MAGI1: variants seen among roughly 807,000 people sequenced by gnomAD.
The protein encoded by MAGI1 is membrane-associated guanylate kinase, WW and PDZ domain-containing protein 1.
Under a neutral mutation model 139.9 loss-of-function variants are expected in MAGI1, and 58 were observed. The ratio of observed to expected loss-of-function variants is 0.41; its 90% CI spans 0.34 to 0.52. The LOEUF is 0.52. Among genes scored for constraint, MAGI1 ranks in the 20% least tolerant of loss-of-function variants. The pLI, the probability that MAGI1 is intolerant of heterozygous loss-of-function variation, is 0.12. For synonymous variants in MAGI1, 812 were observed against 737.9 expected (o/e 1.10, Z -1.63); for missense variants, 1,874 against 1,901.6 (o/e 0.99, Z 0.27).
intron 22 of MAGI1, chr3:65,360,277 A>C: frequency 1.0e-6 from 1 of 985,298 alleles, no homozygotes; most frequent in Non-Finnish European, 1.2e-6. Flanking sequence ...GGACCATTCA[A>C]TCACAGTTTC....
At chr3:65,856,415 A>G (rs2059379895) in intron 1 of MAGI1, among the ~76,000 whole-genome samples, 2 of 147,672 alleles carry the variant, frequency 1.4e-5, no homozygotes, top group African/African-American at 5.0e-5. Context: ...TGAATGGCAG[A>G]TGGTGACACT....
At chr3:66,017,013 G>C (rs368901013) in intron 1 of MAGI1, among the ~76,000 whole-genome samples, 274 of 152,298 alleles carry the variant, frequency 1.8e-3, no homozygotes, top group African/African-American at 5.8e-3. Flanking sequence ...GTTGGTAATA[G>C]GCACAGTAGG....
At chr3:66,034,449 G>A (rs868125233) in intron 1 of MAGI1, among the ~76,000 whole-genome samples, 18 of 152,172 alleles carry the variant, frequency 1.2e-4, no homozygotes, top group Non-Finnish European at 2.2e-4. Flanking sequence ...GAATGCCCAC[G>A]AAGCATCAGC....
At chr3:65,881,788 G>T (rs2060339822) in intron 1 of MAGI1, among the ~76,000 whole-genome samples, 1 of 152,172 alleles carries the variant, frequency 6.6e-6, no homozygotes, top group African/African-American at 2.4e-5. Context: ...GTTCATCCAA[G>T]CACTTTTTTT....
intron 1 of MAGI1, among the ~76,000 whole-genome samples, chr3:65,633,038 T>C (rs2084401645): frequency 6.6e-6 from 1 of 152,138 alleles, no homozygotes; most frequent in South Asian, 2.1e-4. Context: ...AATTAGAAAT[T>C]CTAGGGGTGG....
intron 2 of MAGI1, among the ~76,000 whole-genome samples, chr3:65,591,026 A>T (rs1176267580): frequency 6.6e-6 from 1 of 152,206 alleles, no homozygotes; most frequent in African/African-American, 2.4e-5. Flanking sequence ...TAACTTACAG[A>T]AGAATTCACA....
At chr3:65,802,207 A>G (rs557375037) in intron 1 of MAGI1, among the ~76,000 whole-genome samples, 1 of 152,280 alleles carries the variant, frequency 6.6e-6, no homozygotes, top group South Asian at 2.1e-4. Context: ...TGTGCAACGC[A>G]TTATTCTTAG....
intron 12 of MAGI1, chr3:65,401,739 G>A (rs1944913765): frequency 2.1e-6 from 3 of 1,454,358 alleles, no homozygotes; most frequent in Admixed American, 4.9e-5. Context: ...GAAATTCACA[G>A]ACCTCAGCGG....
chr3:65,364,594 C>A, intron 20 of MAGI1, 71 bp downstream of exon 20: 1 of 1,312,860 alleles, frequency 7.6e-7, no homozygotes, highest in Non-Finnish European at 1.1e-6. Context: ...AAAAAATATC[C>A]CATAAAAGTA....
intron 13 of MAGI1, among the ~76,000 whole-genome samples, chr3:65,397,090 C>G (rs13100078): frequency 0.79 from 119,865 of 152,080 alleles, 49,463 homozygotes; most frequent in Middle Eastern, 0.93. Context: ...TGATCCTATG[C>G]CTTCACCCAT....
intron 12 of MAGI1, among the ~76,000 whole-genome samples, chr3:65,413,999 C>T (rs2107218223): frequency 6.6e-6 from 1 of 152,234 alleles, no homozygotes. Context: ...CTCAAGTCAA[C>T]AACTTTCTCA....
At chr3:65,771,973 C>T (rs142508319) in intron 1 of MAGI1, among the ~76,000 whole-genome samples, 260 of 152,254 alleles carry the variant, frequency 1.7e-3, no homozygotes, top group African/African-American at 6.1e-3. Flanking sequence ...GAGGCCGAGG[C>T]GGGTGGATCA....
At chr3:65,887,755 C>T (rs1001795075) in intron 1 of MAGI1, among the ~76,000 whole-genome samples, 1 of 152,116 alleles carries the variant, frequency 6.6e-6, no homozygotes, top group Non-Finnish European at 1.5e-5. Flanking sequence ...CTTTGAGCTT[C>T]GATCAATGTC....
intron 1 of MAGI1, among the ~76,000 whole-genome samples, chr3:65,729,130 G>T (rs939266581): frequency 1.1e-4 from 12 of 113,192 alleles, no homozygotes; most frequent in Non-Finnish European, 1.5e-4. Context: ...CGGGGGGGGG[G>T]GGGGGGATGA....
At chr3:65,507,660 A>G (rs2077353595) in intron 2 of MAGI1, among the ~76,000 whole-genome samples, 1 of 152,200 alleles carries the variant, frequency 6.6e-6, no homozygotes, top group African/African-American at 2.4e-5. Flanking sequence ...CCAAAAATAT[A>G]TGGACTTGGA....
chr3:65,767,286 T>A (rs1222871632), intron 1 of MAGI1, among the ~76,000 whole-genome samples: 1 of 151,988 alleles, frequency 6.6e-6, no homozygotes, highest in African/African-American at 2.4e-5. Flanking sequence ...TCTTTCTGAC[T>A]CACCCACAGT....
chr3:65,359,957 A>T, intron 22 of MAGI1: 4 of 985,420 alleles, frequency 4.1e-6, no homozygotes, highest in Non-Finnish European at 4.8e-6. Context: ...AATGGTCAGA[A>T]GTTCAGTACA....
At chr3:65,368,543 TCC>T (rs1559901597) in intron 18 of MAGI1, among the ~76,000 whole-genome samples, 2 of 152,196 alleles carry the variant, frequency 1.3e-5, no homozygotes, top group African/African-American at 4.8e-5. Context: ...CTAACCTTGT[TCC>T]CATATTAATA....
intron 1 of MAGI1, among the ~76,000 whole-genome samples, chr3:65,784,430 T>C (rs535620404): frequency 6.6e-6 from 1 of 151,756 alleles, no homozygotes; most frequent in Admixed American, 6.6e-5. Flanking sequence ...AAAAAACATG[T>C]GGTAGGGCCA....
Sources: allele counts gnomAD v4.1 joint callset (sites outside exome capture counted in the v4.1 genomes callset), GRCh38; gene constraint gnomAD v4.1.1; transcripts MANE v1.5; gene names NCBI Gene and HGNC (gene_info 2026-07-23, HGNC 2026-07-21).